The following CSMD2 variants were observed in gnomAD, a reference collection of about 807,000 sequenced individuals.
The protein encoded by CSMD2 is CUB and Sushi multiple domains 2, also known as CUB and sushi domain-containing protein 2.
In CSMD2, 130 loss-of-function variants were observed where a neutral mutation model predicts 398.5. That is an observed-to-expected ratio of 0.33 (90% CI 0.28 to 0.38). The LOEUF (loss-of-function observed/expected upper bound fraction) is 0.38. Among genes scored for constraint, CSMD2 ranks in the 10% least tolerant of loss-of-function variants. CSMD2 has a pLI of 1.00. For missense variants in CSMD2, 3,829 were observed against 4,764.9 expected, an observed-to-expected ratio of 0.80 and a Z score of 5.78; for synonymous variants, 1,828 against 1,908.5, an observed-to-expected ratio of 0.96 and a Z score of 1.10.
chr1:33,931,000 G>A (rs187309971), intron 4 of CSMD2, among the ~76,000 whole-genome samples: 204 of 152,358 alleles, frequency 1.3e-3, no homozygotes, highest in Middle Eastern at 6.8e-3. Context: ...GACACACACG[G>A]CTTTCCAGTC....
chr1:34,094,403 T>C (rs1282846257), intron 1 of CSMD2, among the ~76,000 whole-genome samples: 1 of 151,254 alleles, frequency 6.6e-6, no homozygotes, highest in Admixed American at 6.6e-5. Flanking sequence ...AATTCACACA[T>C]AACACTATTA....
chr1:34,010,656 T>C (rs74342774), intron 3 of CSMD2, among the ~76,000 whole-genome samples: 1,834 of 152,104 alleles, frequency 0.012, 42 homozygotes, highest in African/African-American at 0.04. Context: ...TCTCGCTCTG[T>C]AACCCAGGTT....
intron 57 of CSMD2, among the ~76,000 whole-genome samples, chr1:33,544,056 T>C (rs987576800): frequency 6.6e-6 from 1 of 151,984 alleles, no homozygotes; most frequent in Non-Finnish European, 1.5e-5. Context: ...ACCTCAGTTA[T>C]CTTTGGTGGA....
At chr1:33,929,432 C>CATTTTTTT (rs1186047905) in intron 4 of CSMD2, among the ~76,000 whole-genome samples, 1 of 100,648 alleles carries the variant, frequency 9.9e-6, no homozygotes, top group African/African-American at 4.4e-5. Context: ...CAAGCCTATA[C>CATTTTTTT]TTTTTTTTTT....
intron 6 of CSMD2, among the ~76,000 whole-genome samples, chr1:33,841,822 C>G (rs1279543408): frequency 6.6e-6 from 1 of 152,162 alleles, no homozygotes; most frequent in Non-Finnish European, 1.5e-5. Context: ...CACTATCAAA[C>G]CATGCTGGAG....
intron 5 of CSMD2, among the ~76,000 whole-genome samples, chr1:33,869,903 G>A (rs1412401785): frequency 1.3e-5 from 2 of 152,158 alleles, no homozygotes; most frequent in African/African-American, 2.4e-5. Context: ...TCTTGCATCT[G>A]CCAATTGATT....
At chr1:33,889,945 A>C (rs2125202339) in intron 5 of CSMD2, among the ~76,000 whole-genome samples, 1 of 152,194 alleles carries the variant, frequency 6.6e-6, no homozygotes, top group East Asian at 1.9e-4. Context: ...AAAGAGTATA[A>C]ATTACTCATA....
At chr1:34,154,778 A>G (rs1412638221) in intron 1 of CSMD2, among the ~76,000 whole-genome samples, 2 of 139,658 alleles carry the variant, frequency 1.4e-5, no homozygotes, top group African/African-American at 5.4e-5. Context: ...CCCAGGCTGG[A>G]GTGCAGTGAT....
At chr1:33,844,674 T>C (rs2125073259) in intron 6 of CSMD2, among the ~76,000 whole-genome samples, 1 of 152,350 alleles carries the variant, frequency 6.6e-6, no homozygotes. Flanking sequence ...CTGAGCCAGC[T>C]AGTTACCCTC....
chr1:34,056,393 G>A (rs1464554075), intron 2 of CSMD2, among the ~76,000 whole-genome samples: 2 of 152,186 alleles, frequency 1.3e-5, no homozygotes, highest in African/African-American at 4.8e-5. Context: ...CCAATGCTAA[G>A]CATAAGGCCT....
At chr1:33,957,655 T>C (rs1645212951) in intron 3 of CSMD2, among the ~76,000 whole-genome samples, 1 of 152,064 alleles carries the variant, frequency 6.6e-6, no homozygotes, top group Admixed American at 6.5e-5. Context: ...ATTGCTGACA[T>C]GAGAAGGTCT....
At chr1:33,713,528 C>T (rs892751533) in intron 21 of CSMD2, among the ~76,000 whole-genome samples, 2 of 152,172 alleles carry the variant, frequency 1.3e-5, no homozygotes, top group Non-Finnish European at 2.9e-5. Context: ...GAGCCTCATA[C>T]ATTAGGGACA....
chr1:33,556,803 G>A (rs1224281395), intron 55 of CSMD2, among the ~76,000 whole-genome samples: 1 of 152,126 alleles, frequency 6.6e-6, no homozygotes, highest in Non-Finnish European at 1.5e-5. Flanking sequence ...AAGATCTGAT[G>A]GTTTTATACG....
At chr1:33,750,132 C>T (rs1437035124) in intron 13 of CSMD2, among the ~76,000 whole-genome samples, 1 of 152,076 alleles carries the variant, frequency 6.6e-6, no homozygotes, top group African/African-American at 2.4e-5. Context: ...AAACTATGTT[C>T]CTGGTTGAAA....
intron 1 of CSMD2, among the ~76,000 whole-genome samples, chr1:34,104,219 T>G (rs190332662): frequency 6.6e-6 from 1 of 152,344 alleles, no homozygotes; most frequent in East Asian, 1.9e-4. Flanking sequence ...TAACTGGTTT[T>G]TATGATATAC....
intron 2 of CSMD2, among the ~76,000 whole-genome samples, chr1:34,044,947 T>C (rs1264381399): frequency 6.6e-6 from 1 of 151,886 alleles, no homozygotes; most frequent in Non-Finnish European, 1.5e-5. Context: ...GTTAGATACA[T>C]AAACCATTAA....
chr1:33,892,130 T>C (rs1320643289), intron 5 of CSMD2, among the ~76,000 whole-genome samples: 1 of 151,280 alleles, frequency 6.6e-6, no homozygotes, highest in East Asian at 1.9e-4. Context: ...GTCACAAATA[T>C]GTATATTTGT....
chr1:33,896,182 T>A (rs1200022203), intron 5 of CSMD2, among the ~76,000 whole-genome samples: 1 of 151,802 alleles, frequency 6.6e-6, no homozygotes, highest in Non-Finnish European at 1.5e-5. Flanking sequence ...CAATGAATCA[T>A]CCTAACTTCA....
intron 25 of CSMD2, among the ~76,000 whole-genome samples, chr1:33,690,429 G>A (rs894922020): frequency 2.0e-5 from 3 of 151,798 alleles, no homozygotes; most frequent in Non-Finnish European, 2.9e-5. Flanking sequence ...CTTCCTCATT[G>A]TGCCACCACC....
Sources: gnomAD v4.1 joint callset for allele counts (sites outside exome capture counted in the v4.1 genomes callset) on GRCh38, gnomAD v4.1.1 for gene constraint, MANE v1.5 for transcripts, NCBI Gene and HGNC (gene_info 2026-07-23, HGNC 2026-07-21) for gene names.